THSD7A: variants seen among roughly 807,000 people sequenced by gnomAD.
THSD7A encodes the protein thrombospondin type-1 domain-containing protein 7A.
THSD7A carries 96 observed loss-of-function variants against 231.3 expected under a neutral mutation model. That is an observed-to-expected ratio of 0.41 (90% CI 0.35 to 0.49). The LOEUF (loss-of-function observed/expected upper bound fraction) is 0.49, where lower values mean the gene tolerates loss of function less well. Among genes scored for constraint, THSD7A ranks in the 20% least tolerant of loss-of-function variants. The pLI is 0.05. For missense variants in THSD7A, 2,290 were observed against 2,070.2 expected (o/e 1.11, Z -2.06); for synonymous variants, 940 against 743.3 (o/e 1.26, Z -4.30).
At chr7:11,449,515 C>T (rs1785078157) in intron 11 of THSD7A, among the ~76,000 whole-genome samples, 1 of 151,952 alleles carries the variant, frequency 6.6e-6, no homozygotes, top group African/African-American at 2.4e-5. Context: ...CAGCCTGGTA[C>T]CATGCCAAGC....
intron 1 of THSD7A, among the ~76,000 whole-genome samples, chr7:11,745,749 A>G (rs538654534): frequency 4.6e-5 from 7 of 152,074 alleles, no homozygotes; most frequent in Non-Finnish European, 1.0e-4. Context: ...AAGATCAGAT[A>G]GTTGTAGATA....
At chr7:11,493,430 C>A (rs185993158) in intron 6 of THSD7A, among the ~76,000 whole-genome samples, 110 of 152,196 alleles carry the variant, frequency 7.2e-4, no homozygotes, top group Middle Eastern at 6.8e-3. Flanking sequence ...AAAATCCTAT[C>A]TTCAGTTCCA....
chr7:11,598,593 T>C (rs370013853), intron 2 of THSD7A, among the ~76,000 whole-genome samples: 103 of 152,290 alleles, frequency 6.8e-4, no homozygotes, highest in African/African-American at 2.4e-3. Context: ...CCTTTTGAAG[T>C]CACAATTACA....
chr7:11,439,356 C>G (rs1402363048), intron 13 of THSD7A, among the ~76,000 whole-genome samples: 1 of 151,978 alleles, frequency 6.6e-6, no homozygotes, highest in Non-Finnish European at 1.5e-5. Flanking sequence ...TTGAGCAAAT[C>G]TATCGGTGCC....
At chr7:11,470,444 T>C (rs1465795777) in intron 8 of THSD7A, among the ~76,000 whole-genome samples, 2 of 152,034 alleles carry the variant, frequency 1.3e-5, no homozygotes, top group Non-Finnish European at 2.9e-5. Context: ...TTACAAAATA[T>C]GTATTGTATA....
intron 1 of THSD7A, among the ~76,000 whole-genome samples, chr7:11,792,193 G>A (rs1783972579): frequency 6.6e-6 from 1 of 151,698 alleles, no homozygotes; most frequent in Non-Finnish European, 1.5e-5. Context: ...TTGCATTACT[G>A]AGGTCGCTTG....
chr7:11,413,324 A>G (rs969410383), intron 17 of THSD7A, among the ~76,000 whole-genome samples: 4 of 152,108 alleles, frequency 2.6e-5, no homozygotes, highest in African/African-American at 9.7e-5. Context: ...AAGACCTGCA[A>G]CTGACCAAAT....
chr7:11,772,026 G>C (rs1428138378), intron 1 of THSD7A, among the ~76,000 whole-genome samples: 1 of 152,080 alleles, frequency 6.6e-6, no homozygotes, highest in African/African-American at 2.4e-5. Flanking sequence ...CACGCTTCTT[G>C]TACAGCCTGC....
At chr7:11,626,825 C>A (rs1781485784) in intron 2 of THSD7A, among the ~76,000 whole-genome samples, 2 of 151,872 alleles carry the variant, frequency 1.3e-5, no homozygotes, top group Non-Finnish European at 2.9e-5. Flanking sequence ...TTAGTGTTAA[C>A]CAGGAACAAT....
At chr7:11,748,902 A>G (rs1782404961) in intron 1 of THSD7A, among the ~76,000 whole-genome samples, 2 of 152,036 alleles carry the variant, frequency 1.3e-5, no homozygotes, top group Non-Finnish European at 2.9e-5. Context: ...ATATTTATTG[A>G]TCATAAGATT....
intron 1 of THSD7A, among the ~76,000 whole-genome samples, chr7:11,736,356 G>A (rs892762389): frequency 1.3e-5 from 2 of 151,982 alleles, no homozygotes; most frequent in African/African-American, 4.8e-5. Context: ...AGCTACTCAG[G>A]AGGCTGAGGC....
At chr7:11,376,001 C>G (rs1782257237) in intron 27 of THSD7A, 123 bp from the exon 28 acceptor site, 1 of 797,088 alleles carries the variant, frequency 1.3e-6, no homozygotes, top group Non-Finnish European at 2.1e-6. Flanking sequence ...CCTGCGTTGC[C>G]TAAAGTCTAT....
intron 1 of THSD7A, among the ~76,000 whole-genome samples, chr7:11,825,700 C>T (rs1237033797): frequency 6.6e-6 from 1 of 152,022 alleles, no homozygotes; most frequent in Non-Finnish European, 1.5e-5. Flanking sequence ...CCCATTAATC[C>T]ATATTGGAGA....
intron 2 of THSD7A, among the ~76,000 whole-genome samples, chr7:11,633,949 A>C (rs1781744630): frequency 6.6e-6 from 1 of 152,146 alleles, no homozygotes; most frequent in Non-Finnish European, 1.5e-5. Context: ...AAACATTTTA[A>C]ATTTGATCAC....
At chr7:11,725,471 G>A (rs1169838424) in intron 1 of THSD7A, among the ~76,000 whole-genome samples, 1 of 151,952 alleles carries the variant, frequency 6.6e-6, no homozygotes, top group African/African-American at 2.4e-5. Flanking sequence ...TAGTGAATCT[G>A]CTAAGATTCA....
intron 4 of THSD7A, among the ~76,000 whole-genome samples, chr7:11,565,403 G>A (rs62434497): frequency 0.02 from 2,998 of 152,252 alleles, 98 homozygotes; most frequent in East Asian, 0.04. Flanking sequence ...AAACACAAGA[G>A]TGACAGCCAG....
intron 6 of THSD7A, among the ~76,000 whole-genome samples, chr7:11,509,463 G>A (rs1446081862): frequency 6.6e-6 from 1 of 152,088 alleles, no homozygotes; most frequent in African/African-American, 2.4e-5. Flanking sequence ...TTTCAATGCT[G>A]CTTTTTCTAT....
intron 1 of THSD7A, among the ~76,000 whole-genome samples, chr7:11,743,177 G>T (rs540068694): frequency 1.3e-5 from 2 of 151,546 alleles, no homozygotes; most frequent in South Asian, 2.1e-4. Context: ...TTATTTTATG[G>T]CCCTAATAGA....
At position 11,411,380 on chromosome 7, in the gene THSD7A, G is replaced by T. The variant is rs1783780936; in HGVS notation, c.3683-58C>A. The stretch of plus-strand genomic sequence containing the variant: ...GCTAAGTAAGAAACAGATTTCAAAT[G>T]AAACTCTGATGACCTGAATCCCATA... On this transcript the variant is annotated intron_variant, in intron 18 of 27. Coordinates refer to ENST00000423059, the MANE Select transcript of THSD7A (RefSeq NM_015204.3). The surrounding 1 kb of genome is among the most constrained non-coding windows in gnomAD (Gnocchi z 4.1). 4 of 1,190,640 alleles carry T rather than the reference G, an allele frequency of 3.4e-6. No homozygotes were observed. The highest frequency in any genetic ancestry group is 1.3e-5 in the South Asian group (1 of 75,466). The allele number at this position is 1,190,640 out of a possible 1,614,324, so 73.8% of individuals were successfully genotyped here.
Sources: allele counts gnomAD v4.1 joint callset (sites outside exome capture counted in the v4.1 genomes callset), GRCh38; gene constraint gnomAD v4.1.1; non-coding constraint Gnocchi (gnomAD v3.1); transcripts MANE v1.5; gene names NCBI Gene and HGNC (gene_info 2026-07-23, HGNC 2026-07-21).